The following PPP1R3F variants were observed in gnomAD, a reference collection of about 807,000 sequenced individuals.
PPP1R3F encodes protein phosphatase 1, regulatory (inhibitor) subunit 3F.
In PPP1R3F, 29 loss-of-function variants were observed where a neutral mutation model predicts 24.2. The observed-to-expected ratio is 1.20, with a 90% CI of 0.89 to 1.63. The LOEUF is 1.63. PPP1R3F is among the 40% of genes most tolerant of loss of function. The probability of loss-of-function intolerance (pLI) is 0.00; values close to 1 mark genes in which losing one functional copy is unlikely to be tolerated. For missense variants in PPP1R3F, 823 were observed against 729.3 expected (o/e 1.13, Z -1.48); for synonymous variants, 363 against 340.1 (o/e 1.07, Z -0.74).
rs1435253375 is a variant in PPP1R3F at position 49,270,821 on chromosome X, G to T, written c.952G>T (p.Val318Leu). 2 of 1,190,152 alleles carry T rather than the reference G, an allele frequency of 1.7e-6. No individual in the cohort carries two copies. Among genetic ancestry groups the T allele is most frequent in the African/African-American group, 1.7e-5 (1 of 57,460 alleles). The change falls in exon 1 of 4, where the codon GTG (valine) becomes TTG (leucine). Residue 318 changes from valine (V) to leucine (L), a missense_variant. Coordinates refer to ENST00000055335, the MANE Select transcript of PPP1R3F (RefSeq NM_033215.5). ...LEPQPECQGPVEAEARQLKSC... is the reference protein window; with the variant it reads ...LEPQPECQGPLEAEARQLKSC... ...GCCACAGCCCGAGTGCCAGGGTCCC[G>T]TGGAGGCTGAGGCCAGGCAGCTGAA...
Position 49,287,076 on chromosome X carries a change from G to T in PPP1R3F, c.2386G>T (p.Ala796Ser), listed in dbSNP as rs1421370892. 6 of 1,210,688 alleles carry T rather than the reference G, an allele frequency of 5.0e-6. No individual in the cohort carries two copies. The African/African-American group carries it at 1.0e-4, about 21-fold the overall frequency. ...GGTGCTTGCGCTGTGCCTCTCTCTG[G>T]CTTGGTTCTCATAGGCTCTGCTTGT... Reference protein sequence around the residue: ...LLVLALCLSLAWFS With the variant: ...LLVLALCLSLSWFS The change falls in exon 4 of 4, where the codon GCT (alanine) becomes TCT (serine). Residue 796 changes from alanine (A) to serine (S), a missense_variant. Coordinates refer to ENST00000055335, the MANE Select transcript of PPP1R3F (RefSeq NM_033215.5).
chrX:49,272,548 C>A (rs2066186763), intron 1 of PPP1R3F, among the ~76,000 whole-genome samples: 1 of 112,756 alleles, frequency 8.9e-6, no homozygotes, highest in Admixed American at 9.3e-5. Flanking sequence ...GGAGCCACAC[C>A]TACAGTTTCC....
intron 3 of PPP1R3F, among the ~76,000 whole-genome samples, chrX:49,297,596 G>A (rs1340289288): frequency 1.8e-5 from 2 of 110,975 alleles, no homozygotes; most frequent in South Asian, 3.8e-4. Context: ...TGATCTACCC[G>A]CCTCGGCCTC....
intron 3 of PPP1R3F, among the ~76,000 whole-genome samples, chrX:49,295,514 T>G (rs1223512305): frequency 9.0e-6 from 1 of 110,782 alleles, no homozygotes; most frequent in Non-Finnish European, 1.9e-5. Flanking sequence ...TCATGGTGTC[T>G]TATTTTTGTA....
rs781996805 is a variant in PPP1R3F, at chrX:49,287,026, C to T, written c.2336C>T (p.Ala779Val). Reference protein sequence around the residue: ...VLAGLVVVPVALNSGVSLLVL... With the variant: ...VLAGLVVVPVVLNSGVSLLVL... ...GCCGGGCTAGTGGTGGTCCCTGTGG[C>T]TCTGAACAGCGGTGTGTCCCTCCTG... Residue 779 changes from alanine to valine, a missense_variant, in exon 4 of 4, where the codon GCT becomes GTT. Transcript: ENST00000055335. 1 of 1,210,700 alleles carries T rather than the reference C, an allele frequency of 8.3e-7. No individual in the cohort carries two copies. Among genetic ancestry groups the T allele is most frequent in the African/African-American group, 1.7e-5 (1 of 57,561 alleles).
rs184860477 is a variant in PPP1R3F at position 49,277,149 on chromosome X, C to A, written c.1005-4257C>A. The stretch of plus-strand genomic sequence containing the variant: ...TCCACAGGGCTTGTCAGCCCTCACC[C>A]GCTCGCTTACTCTGTGACTGGCGAA... On this transcript the variant is annotated intron_variant, in intron 1 of 3. Transcript: ENST00000055335. Among the ~76,000 whole-genome samples, 382 of 112,941 alleles carry A rather than the reference C, an allele frequency of 3.4e-3. 1 individual carries two copies. The highest frequency in any genetic ancestry group is 0.024 in the Admixed American group (258 of 10,804).
In PPP1R3F at chrX:49,286,383, G is replaced by T. The variant is rs782704947; in HGVS notation, c.1693G>T (p.Glu565Ter). 1 of 1,192,784 alleles carries T rather than the reference G, an allele frequency of 8.4e-7. No homozygotes were observed. The highest frequency in any genetic ancestry group is 1.8e-5 in the South Asian group (1 of 54,070). ...CTATGCCCGGCTGGGGCGTGGCGTG[G>T]AGCTCATCAAGGACACCGAAGACCC... is the stretch of plus-strand genomic sequence containing the variant. ...LHYARLGRGV[E>*]LIKDTEDPDD... The change falls in exon 4 of 4, where the codon GAG (glutamate) becomes TAG (stop). Residue 565 changes from glutamate (E) to a stop codon, truncating the protein, a stop_gained. Coordinates refer to ENST00000055335, the MANE Select transcript of PPP1R3F (RefSeq NM_033215.5). LOFTEE classifies it low-confidence loss of function (END_TRUNC).
At chrX:49,291,316 C>CTCTCTCTCTCTCTCTG (rs782097550), downstream of PPP1R3F, among the ~76,000 whole-genome samples, 1 of 88,379 alleles carries the variant, frequency 1.1e-5, no homozygotes, top group Non-Finnish European at 2.4e-5. Flanking sequence ...CTCTCTCTCT[C>CTCTCTCTCTCTCTCTG]TCTCTCTCTC....
intron 3 of PPP1R3F, among the ~76,000 whole-genome samples, chrX:49,284,504 T>C (rs1366233532): frequency 1.4e-4 from 13 of 90,799 alleles, no homozygotes; most frequent in Non-Finnish European, 2.7e-4. Flanking sequence ...TTTTTCTTTT[T>C]CTTTCTTTTT....
chrX:49,281,472 G>A lies in PPP1R3F; in HGVS notation c.1060+11G>A, dbSNP rs782298529. ...ACACCTTTGCCATGGGTAAGCAATT[G>A]GCAAGCTTCGGAAGTTTTAGCTTGT... On this transcript the variant is annotated intron_variant, in intron 2 of 3. Transcript: ENST00000055335. 8.5e-7 allele frequency: 1 copy of A among 1,176,972 alleles called. No individual in the cohort carries two copies. The highest frequency in any genetic ancestry group is 1.8e-5 in the South Asian group (1 of 54,939).
intron 1 of PPP1R3F, among the ~76,000 whole-genome samples, chrX:49,278,582 T>C (rs2066228483): frequency 8.9e-6 from 1 of 111,940 alleles, no homozygotes; most frequent in Non-Finnish European, 1.9e-5. Context: ...AGTATTCTGA[T>C]TCAAGTACCT....
chrX:49,283,318 G>A (rs1490802907), intron 3 of PPP1R3F, among the ~76,000 whole-genome samples: 1 of 108,703 alleles, frequency 9.2e-6, no homozygotes, highest in African/African-American at 3.4e-5. Context: ...GTGCAGTGGT[G>A]TGATCTCAGC....
intron 1 of PPP1R3F, among the ~76,000 whole-genome samples, chrX:49,276,062 T>C (rs1222066513): frequency 1.8e-5 from 2 of 112,668 alleles, no homozygotes; most frequent in African/African-American, 6.5e-5. Flanking sequence ...CACAGAAAAC[T>C]TGGTAGGGCA....
At position 49,270,063 on chromosome X, in the gene PPP1R3F, T is replaced by TGGC; in HGVS notation, c.204_206dup (p.Ala69dup). The TGGC allele has an allele frequency of 2.7e-5, 27 of 989,057 alleles. No homozygotes were observed. Among genetic ancestry groups the TGGC allele is most frequent in the Non-Finnish European group, 3.4e-5 (27 of 790,246 alleles). 81.5% of individuals were successfully genotyped at this position (989,057 alleles called of 1,213,427 possible). On this transcript the variant is annotated inframe_insertion, in exon 1 of 4. Transcript: ENST00000055335. Reference sequence around the variant, plus strand: ...TGGGGCGGGCCCGGGGCGGGCAAGATGGCGGCGGCGGCCGGGCAAGATGGC... The same window carrying TGGC: ...TGGGGCGGGCCCGGGGCGGGCAAGATGGCGGCGGCGGCGGCCGGGCAAGATGGC...
downstream of PPP1R3F, among the ~76,000 whole-genome samples, chrX:49,290,789 CTT>C (rs1214783049): frequency 8.1e-5 from 9 of 111,254 alleles, no homozygotes; most frequent in African/African-American, 2.6e-4. Context: ...AGGGTAATAA[CTT>C]TTCCTCCTCA....
chrX:49,274,000 G>A (rs1432530598), intron 1 of PPP1R3F: 14 of 112,750 alleles, frequency 1.2e-4, no homozygotes, highest in Non-Finnish European at 5.6e-5. Flanking sequence ...ATGCAGAGTG[G>A]TCCTAAGATG....
At chrX:49,290,222 T>C (rs1459415689), downstream of PPP1R3F, among the ~76,000 whole-genome samples, 1 of 111,607 alleles carries the variant, frequency 9.0e-6, no homozygotes, top group Non-Finnish European at 1.9e-5. Flanking sequence ...CCTCCTGGTG[T>C]GAACCACAGT....
chrX:49,294,098 G>C (rs782140844), intron 3 of PPP1R3F, among the ~76,000 whole-genome samples: 1 of 111,448 alleles, frequency 9.0e-6, no homozygotes, highest in Non-Finnish European at 1.9e-5. Context: ...TGTCACAGTA[G>C]AATTTACTTT....
Position 49,269,842 on chromosome X carries a change from TGCCGTCGGTGCC to T in PPP1R3F, c.-23_-12del. On this transcript the variant is annotated 5_prime_UTR_variant, in exon 1 of 4. Coordinates refer to ENST00000055335, the MANE Select transcript of PPP1R3F (RefSeq NM_033215.5). ...CTGCCCCCGCCGGTCCCGCCGCCGG[TGCCGTCGGTGCC>T]GCCGCCGCCGCCGATATGGCGCGTA... is the stretch of plus-strand genomic sequence containing the variant. 1 of 870,781 alleles carries T rather than the reference TGCCGTCGGTGCC, an allele frequency of 1.1e-6. No individual in the cohort carries two copies. The highest frequency in any genetic ancestry group is 1.4e-6 in the Non-Finnish European group (1 of 710,108). The allele number at this position is 870,781 out of a possible 1,213,427, so 71.8% of individuals were successfully genotyped here.
Sources: gnomAD v4.1 joint callset for allele counts (sites outside exome capture counted in the v4.1 genomes callset) on GRCh38, gnomAD v4.1.1 for gene constraint, MANE v1.5 for transcripts, NCBI Gene and HGNC (gene_info 2026-07-23, HGNC 2026-07-21) for gene names.